Variants in TEDC1 observed in about 807,000 individuals in gnomAD.
TEDC1 encodes tubulin epsilon and delta complex protein 1.
A neutral mutation model predicts 59.9 loss-of-function variants in TEDC1; 54 were observed. That is an observed-to-expected ratio of 0.90 (90% CI 0.72 to 1.13). TEDC1 has a LOEUF of 1.13. Among genes scored for constraint, TEDC1 ranks in the 50% most tolerant of loss-of-function variants. TEDC1 has a pLI of 0.00. For synonymous variants in TEDC1, 353 were observed against 298.1 expected (o/e 1.18, Z -1.90); for missense variants, 734 against 683.4 (o/e 1.07, Z -0.83).
chr14:105,497,298 G>T, intron 6 of TEDC1, 59 bp from the exon 7 acceptor site: 1 of 1,497,342 alleles, frequency 6.7e-7, no homozygotes. Context: ...CTGTCCATCC[G>T]ACTGTCTGTC....
Position 105,495,726 on chromosome 14 carries a change from C to A in TEDC1, c.685-154C>A, listed in dbSNP as rs1355197990. ...CCCCTGGGTTGGGGCAGAGGAGAGGCTGCCCTGGCCCCAGGCTGCTCCTGC... is the reference window on the plus strand; with the variant it reads ...CCCCTGGGTTGGGGCAGAGGAGAGGATGCCCTGGCCCCAGGCTGCTCCTGC... On this transcript the variant is annotated intron_variant, in intron 5 of 8. Transcript: ENST00000392523. The A allele has an allele frequency of 5.1e-5, 34 of 662,796 alleles. No individual in the cohort carries two copies. The African/African-American group carries it at 5.8e-4, about 11-fold the overall frequency. 41.1% of individuals were successfully genotyped at this position (662,796 alleles called of 1,614,324 possible). A position where few individuals can be genotyped will look rare whatever the true frequency, so the allele number is the denominator to read the frequency against.
intron 6 of TEDC1, chr14:105,496,800 C>T (rs1367135367): frequency 6.1e-6 from 1 of 163,648 alleles, no homozygotes; most frequent in Non-Finnish European, 1.3e-5. Flanking sequence ...TCAAGTGTGG[C>T]TCAGCTCTGC....
At chr14:105,490,230 GAAGA>G (rs1252171776), upstream of TEDC1, 10 of 152,232 alleles carry the variant, frequency 6.6e-5, no homozygotes, top group African/African-American at 2.2e-4. Context: ...AGGAGGCCGA[GAAGA>G]AAGGTGGGGC....
chr14:105,498,373 C>T (rs587768225), intron 8 of TEDC1, among the ~76,000 whole-genome samples: 17 of 152,358 alleles, frequency 1.1e-4, no homozygotes, highest in South Asian at 2.1e-4. Context: ...GCTTAACCTG[C>T]GCAGGTTCAT....
At chr14:105,492,367 CAAGGG>C in intron 3 of TEDC1, 58 bp downstream of exon 3, 1 of 1,583,828 alleles carries the variant, frequency 6.3e-7, no homozygotes, top group South Asian at 1.1e-5. Flanking sequence ...GGGGCCAGAG[CAAGGG>C]CAGGCCTGGG....
At chr14:105,491,949 C>T (rs1224183656) in intron 2 of TEDC1, among the ~76,000 whole-genome samples, 158 bp from the exon 3 acceptor site, 2 of 152,362 alleles carry the variant, frequency 1.3e-5, no homozygotes, top group Admixed American at 6.5e-5. Flanking sequence ...GGCCCCTGGT[C>T]TCCTCATCCT....
chr14:105,495,809 C>T lies in TEDC1; in HGVS notation c.685-71C>T, dbSNP rs1332833347. The T allele has an allele frequency of 3.9e-6, 5 of 1,289,040 alleles. No homozygotes were observed. The East Asian group carries it at 7.6e-5, about 20-fold the overall frequency. 79.9% of individuals were successfully genotyped at this position (1,289,040 alleles called of 1,614,324 possible). A position where few individuals can be genotyped will look rare whatever the true frequency, so the allele number is the denominator to read the frequency against. Reference sequence around the variant, plus strand: ...GGCTGGGGGGGCCTGGAAGTGAGGCCCCGCCCTCTCCCCGAAGCTGTGTGC... The same window carrying T: ...GGCTGGGGGGGCCTGGAAGTGAGGCTCCGCCCTCTCCCCGAAGCTGTGTGC... On this transcript the variant is annotated intron_variant, in intron 5 of 8. Transcript: ENST00000392523.
Position 105,498,661 on chromosome 14 carries a change from G to C in TEDC1, c.1203G>C (p.Arg401=). The C allele has an allele frequency of 6.4e-7, 1 of 1,554,150 alleles. No homozygotes were observed. The highest frequency in any genetic ancestry group is 2.4e-5 in the East Asian group (1 of 41,330). ...GRGPEWSAAR[R]ASREAVEKEL... ...GGCCAGAGTGGAGTGCCGCGCGGCG[G>C]GCCTCTCGGGAGGCTGTGGAAAAGG... The change falls in exon 9 of 9, where the codon CGG becomes CGC. Residue 401 remains arginine, a synonymous_variant. Coordinates refer to ENST00000392523, the MANE Select transcript of TEDC1 (RefSeq NM_001367178.1).
In TEDC1 at chr14:105,497,274, G is replaced by A. The variant is rs1051242636; in HGVS notation, c.892-83G>A. The A allele has an allele frequency of 6.5e-5, 88 of 1,363,364 alleles. No homozygotes were observed. In the Admixed American group the frequency reaches 1.4e-3, roughly 22 times the overall value. The allele number at this position is 1,363,364 out of a possible 1,614,324, so 84.5% of individuals were successfully genotyped here. A position where few individuals can be genotyped will look rare whatever the true frequency, so the allele number is the denominator to read the frequency against. ...TGAGCTAGGCGTTGGGCCGGGTGTC[G>A]GCGCTGGGTCCAGCTGTCCATCCGA... On this transcript the variant is annotated intron_variant, in intron 6 of 8. Coordinates refer to ENST00000392523, the MANE Select transcript of TEDC1 (RefSeq NM_001367178.1).
In TEDC1 at chr14:105,497,941, G is replaced by T; in HGVS notation, c.1122G>T (p.Glu374Asp). 6.5e-7 allele frequency: 1 copy of T among 1,546,110 alleles called. No individual in the cohort carries two copies. The highest frequency in any genetic ancestry group is 1.2e-5 in the South Asian group (1 of 83,964). The change falls in exon 8 of 9, where the codon GAG (glutamate) becomes GAT (aspartate). Residue 374 changes from glutamate (E) to aspartate (D), a missense_variant. Coordinates refer to ENST00000392523, the MANE Select transcript of TEDC1 (RefSeq NM_001367178.1). The stretch of plus-strand genomic sequence containing the variant: ...AGGCACTGGAGGAGGAGCTGCGGGA[G>T]GCTGCGGAGCGCAGGCGGGCGGCCT... The part of the protein sequence containing the change: ...ELQALEEELR[E>D]AAERRRAAWE...
chr14:105,494,297 G>A (rs2084293225), intron 5 of TEDC1: 1 of 322,664 alleles, frequency 3.1e-6, no homozygotes, highest in East Asian at 8.4e-5. Flanking sequence ...CTCACTTGGT[G>A]TGTCAGGGGG....
At position 105,498,691 on chromosome 14, in the gene TEDC1, G is replaced by C; in HGVS notation, c.1233G>C (p.Leu411=). The C allele has an allele frequency of 6.4e-7, 1 of 1,553,748 alleles. No individual in the cohort carries two copies. The change falls in exon 9 of 9, where the codon CTG becomes CTC. Residue 411 remains leucine, a synonymous_variant. Transcript: ENST00000392523. ...RASREAVEKE[L]GALQQCWERD... is the part of the protein sequence containing the mutation. Reference sequence around the variant, plus strand: ...CTCGGGAGGCTGTGGAAAAGGAGCTGGGAGCTCTACAGCAGTGCTGGGAGC... The same window carrying C: ...CTCGGGAGGCTGTGGAAAAGGAGCTCGGAGCTCTACAGCAGTGCTGGGAGC...
intron 4 of TEDC1, 146 bp downstream of exon 4, chr14:105,492,880 A>T: frequency 8.3e-7 from 1 of 1,198,870 alleles, no homozygotes; most frequent in South Asian, 1.6e-5. Flanking sequence ...CCAAAGCCTG[A>T]GCCCGTGGTT....
intron 6 of TEDC1, 60 bp downstream of exon 6, chr14:105,496,146 G>GGGGGGGGGGGGGGCCCCCCCC: frequency 3.0e-6 from 1 of 331,608 alleles, no homozygotes; most frequent in Non-Finnish European, 5.9e-6. Flanking sequence ...GGGTGGGAGG[G>GGGGGGGGGGGGGGCCCCCCCC]GGTGGCGAGG....
Position 105,498,697 on chromosome 14 carries a change from T to G in TEDC1, c.1239T>G (p.Ala413=). Residue 413 remains alanine, a synonymous_variant, in exon 9 of 9, where the codon GCT becomes GCG. Transcript: ENST00000392523. ...AGGCTGTGGAAAAGGAGCTGGGAGC[T>G]CTACAGCAGTGCTGGGAGCGAGACG... ...SREAVEKELG[A]LQQCWERDGG... is the part of the protein sequence containing the mutation. 6.4e-7 allele frequency: 1 copy of G among 1,553,386 alleles called. No homozygotes were observed. Among genetic ancestry groups the G allele is most frequent in the Non-Finnish European group, 8.7e-7 (1 of 1,148,976 alleles).
Position 105,492,704 on chromosome 14 carries a change from T to G in TEDC1, c.555T>G (p.Ser185Arg). Reference protein sequence around the residue: ...LRFRWRQLVSSQQEQCALLSK... With the variant: ...LRFRWRQLVSRQQEQCALLSK... Reference sequence around the variant, plus strand: ...TCCGGTGGCGCCAGCTGGTGTCCAGTCAGCAGGAGCAGTGCGCCCTCCTGA... The same window carrying G: ...TCCGGTGGCGCCAGCTGGTGTCCAGGCAGCAGGAGCAGTGCGCCCTCCTGA... The change falls in exon 4 of 9, where the codon AGT (serine) becomes AGG (arginine). Residue 185 changes from serine to arginine, a missense_variant. Coordinates refer to ENST00000392523, the MANE Select transcript of TEDC1 (RefSeq NM_001367178.1). The G allele has an allele frequency of 6.5e-7, 1 of 1,544,080 alleles. No homozygotes were observed. Among genetic ancestry groups the G allele is most frequent in the South Asian group, 1.2e-5 (1 of 84,050 alleles).
chr14:105,494,318 T>G (rs1595474062), intron 5 of TEDC1: 4 of 266,660 alleles, frequency 1.5e-5, no homozygotes, highest in Admixed American at 5.0e-5. Context: ...CACCTAGGGG[T>G]GTGGGGGGCC....
At position 105,496,076 on chromosome 14, in the gene TEDC1, C is replaced by T. The variant is rs1555440387; in HGVS notation, c.881C>T (p.Pro294Leu). The T allele has an allele frequency of 7.8e-7, 1 of 1,287,980 alleles. No individual in the cohort carries two copies. The highest frequency in any genetic ancestry group is 2.6e-5 in the Admixed American group (1 of 39,180). The allele number at this position is 1,287,980 out of a possible 1,614,324, so 79.8% of individuals were successfully genotyped here. ...GGASACSLLSPFRALLRTLER... is the reference protein window; with the variant it reads ...GGASACSLLSLFRALLRTLER... ...GCCTCAGCCTGCAGCCTGCTCTCCC[C>T]TTTTAGGGCGGTAAGTCGGGGAGGC... The change falls in exon 6 of 9, where the codon CCT becomes CTT. Residue 294 changes from proline (P) to leucine (L), a missense_variant. Transcript: ENST00000392523.
upstream of TEDC1, chr14:105,490,987 C>G: frequency 6.5e-7 from 1 of 1,528,746 alleles, no homozygotes; most frequent in South Asian, 1.2e-5. Flanking sequence ...ACAGCCCTGC[C>G]AGGAGCCCGG....
Sources: gnomAD v4.1 joint callset for allele counts (sites outside exome capture counted in the v4.1 genomes callset) on GRCh38, gnomAD v4.1.1 for gene constraint, MANE v1.5 for transcripts, NCBI Gene and HGNC (gene_info 2026-07-23, HGNC 2026-07-21) for gene names.